The following AHCTF1 variants were observed in gnomAD, a reference collection of about 807,000 sequenced individuals.
AHCTF1 encodes the protein AT-hook containing transcription factor 1, also known as protein ELYS.
Under a neutral mutation model 248.4 loss-of-function variants are expected in AHCTF1, and 24 were observed. The observed-to-expected ratio is 0.10, with a 90% CI of 0.07 to 0.14. The LOEUF (loss-of-function observed/expected upper bound fraction) is 0.14. Among genes scored for constraint, AHCTF1 ranks in the 10% least tolerant of loss-of-function variants. The pLI is 1.00. For missense variants in AHCTF1, 2,206 were observed against 2,636.2 expected (o/e 0.84, Z 3.57); for synonymous variants, 786 against 929.8 (o/e 0.85, Z 2.81).
chr1:246,845,380 TAG>T (rs1660183073), intron 33 of AHCTF1, among the ~76,000 whole-genome samples: 1 of 151,634 alleles, frequency 6.6e-6, no homozygotes, highest in Admixed American at 6.6e-5. Context: ...AAAAGAAAAA[TAG>T]AGTTGATATC....
intron 14 of AHCTF1, among the ~76,000 whole-genome samples, chr1:246,893,158 T>G (rs1664337271): frequency 6.6e-6 from 1 of 152,190 alleles, no homozygotes; most frequent in Non-Finnish European, 1.5e-5. Flanking sequence ...ACATGAGCTC[T>G]GACAAACATT....
chr1:246,905,717 A>G (rs1665341133), intron 5 of AHCTF1, 60 bp from the exon 6 acceptor site: 1 of 1,362,798 alleles, frequency 7.3e-7, no homozygotes, highest in Admixed American at 1.8e-5. Flanking sequence ...AAAAAGGTAC[A>G]TCATGTAAGA....
intron 5 of AHCTF1, among the ~76,000 whole-genome samples, chr1:246,906,093 C>T (rs886602088): frequency 3.9e-5 from 6 of 152,176 alleles, no homozygotes; most frequent in Admixed American, 2.0e-4. Context: ...GATACTGCCA[C>T]GAGACTTTTC....
At position 246,892,026 on chromosome 1, in the gene AHCTF1, T is replaced by C. The variant is rs1414366170; in HGVS notation, c.1805-107A>G. On this transcript the variant is annotated intron_variant, in intron 14 of 35. Coordinates refer to ENST00000648844, the MANE Select transcript of AHCTF1 (RefSeq NM_001323342.2). ...CCTATCACTCAAAAGAATTATTCTA[T>C]TCATTATGAGATTTATAAAGACAAG... 10 of 1,213,156 alleles carry C rather than the reference T, an allele frequency of 8.2e-6. No individual in the cohort carries two copies. In the East Asian group the frequency reaches 8.5e-5, roughly 10 times the overall value. The allele number at this position is 1,213,156 out of a possible 1,614,324, so 75.1% of individuals were successfully genotyped here.
At chr1:246,906,870 T>C (rs962050377) in intron 5 of AHCTF1, among the ~76,000 whole-genome samples, 7 of 152,188 alleles carry the variant, frequency 4.6e-5, no homozygotes, top group Non-Finnish European at 7.3e-5. Flanking sequence ...TCCTTTTTTT[T>C]CCCTCTCAAC....
At chr1:246,860,852 T>C in intron 29 of AHCTF1, 47 bp downstream of exon 29, 3 of 1,572,656 alleles carry the variant, frequency 1.9e-6, no homozygotes, top group Non-Finnish European at 2.6e-6. Context: ...TAAACTTTAT[T>C]GAGGGACATT....
At chr1:246,912,069 C>T (rs1665843208) in intron 4 of AHCTF1, among the ~76,000 whole-genome samples, 1 of 151,948 alleles carries the variant, frequency 6.6e-6, no homozygotes, top group Admixed American at 6.6e-5. Context: ...TATACACTGA[C>T]AATTTTTATT....
At chr1:246,898,408 A>G in intron 11 of AHCTF1, 72 bp from the exon 12 acceptor site, 2 of 1,450,210 alleles carry the variant, frequency 1.4e-6, no homozygotes, top group South Asian at 2.6e-5. Flanking sequence ...TTAATTAATT[A>G]CACTTAAAAT....
rs190391748 is a variant in AHCTF1 at position 246,929,922 on chromosome 1, T to G, written c.-8+1656A>C. On this transcript the variant is annotated intron_variant, in intron 1 of 35. Transcript: ENST00000648844. ...CAAAAATTAGCCGGGTGTGGTGGCGTGCGCCTGTAATCCCAGCTACTCAGG... is the reference window on the plus strand; with the variant it reads ...CAAAAATTAGCCGGGTGTGGTGGCGGGCGCCTGTAATCCCAGCTACTCAGG... Among the ~76,000 whole-genome samples the G allele has an allele frequency of 8.2e-3, 1,251 of 151,846 alleles. 10 individuals carry two copies. The highest frequency in any genetic ancestry group is 0.031 in the South Asian group (147 of 4,806).
intron 24 of AHCTF1, among the ~76,000 whole-genome samples, chr1:246,868,208 A>C (rs1215668291): frequency 1.3e-5 from 2 of 150,664 alleles, no homozygotes; most frequent in Non-Finnish European, 2.9e-5. Context: ...GGCTCACTGC[A>C]ACCTCTGCCT....
intron 29 of AHCTF1, among the ~76,000 whole-genome samples, chr1:246,860,264 T>G (rs1038409554): frequency 2.6e-5 from 4 of 152,076 alleles, no homozygotes; most frequent in African/African-American, 9.7e-5. Context: ...TGAGACTCTG[T>G]CTCAAAAATT....
chr1:246,864,996 C>T (rs1333316286), intron 26 of AHCTF1, among the ~76,000 whole-genome samples: 4 of 152,040 alleles, frequency 2.6e-5, no homozygotes, highest in South Asian at 2.1e-4. Context: ...CAAGGTTTTC[C>T]GTAATGTCCT....
Position 246,898,409 on chromosome 1 carries a change from CACTTAAAATTTAAGTAAAATTTA to C in AHCTF1, c.1495-96_1495-74del, listed in dbSNP as rs1664754599. ...AATCAAATTTAAGATTAATTAATTA[CACTTAAAATTTAAGTAAAATTTA>C]AAGATAGCAAGTGGAAATTATGAAA... On this transcript the variant is annotated intron_variant, in intron 11 of 35. Transcript: ENST00000648844. 7 of 1,432,796 alleles carry C rather than the reference CACTTAAAATTTAAGTAAAATTTA, an allele frequency of 4.9e-6. No homozygotes were observed. In the Admixed American group the frequency reaches 1.3e-4, roughly 27 times the overall value. 88.8% of individuals were successfully genotyped at this position (1,432,796 alleles called of 1,614,324 possible).
At chr1:246,930,283 C>T (rs1480914837) in intron 1 of AHCTF1, among the ~76,000 whole-genome samples, 1 of 151,290 alleles carries the variant, frequency 6.6e-6, no homozygotes, top group East Asian at 2.0e-4. Context: ...CAAGTAGGCG[C>T]GCGACTAGAG....
In AHCTF1 at chr1:246,867,664, T is replaced by C; in HGVS notation, c.3236A>G (p.Asn1079Ser). Reference sequence around the variant, plus strand: ...TGAAACGTGTAAGAAAACATACCTATTGAAAGGTGTGGTGCTATTTATAGG... The same window carrying C: ...TGAAACGTGTAAGAAAACATACCTACTGAAAGGTGTGGTGCTATTTATAGG... ...KEPINSTTPF[N>S]SSKIEEPSPI... Residue 1079 changes from asparagine (N) to serine (S), a missense_variant, in exon 25 of 36, where the codon AAT (asparagine) becomes AGT (serine). By Grantham distance (46) the Asn-to-Ser change is conservative. This residue lies in a region of AHCTF1 where 955 missense variants were observed against 1,055.6 expected (regional missense o/e 0.90). Coordinates refer to ENST00000648844, the MANE Select transcript of AHCTF1 (RefSeq NM_001323342.2). The C allele has an allele frequency of 6.2e-7, 1 of 1,611,526 alleles. No homozygotes were observed. Among genetic ancestry groups the C allele is most frequent in the Non-Finnish European group, 8.5e-7 (1 of 1,179,704 alleles).
intron 27 of AHCTF1, 73 bp from the exon 28 acceptor site, chr1:246,862,226 A>T: frequency 8.6e-7 from 1 of 1,164,194 alleles, no homozygotes; most frequent in Non-Finnish European, 1.2e-6. Flanking sequence ...CACGCCTGTA[A>T]TCCCTGCACT....
intron 35 of AHCTF1, among the ~76,000 whole-genome samples, chr1:246,841,403 C>T (rs12127941): frequency 0.18 from 26,878 of 152,098 alleles, 4,044 homozygotes; most frequent in African/African-American, 0.41. Context: ...AGCAAAGATG[C>T]ACAGAATTTC....
chr1:246,920,142 CAA>C (rs68194249), intron 1 of AHCTF1, among the ~76,000 whole-genome samples: 11,674 of 39,368 alleles, frequency 0.3, 257 homozygotes, highest in South Asian at 0.35. Flanking sequence ...CTGTCCCCCG[CAA>C]AAAAAAAAAA....
intron 29 of AHCTF1, among the ~76,000 whole-genome samples, chr1:246,859,970 G>T (rs1322998286): frequency 6.6e-6 from 1 of 152,160 alleles, no homozygotes; most frequent in Non-Finnish European, 1.5e-5. Context: ...GTTAAAAATT[G>T]CAATAATTTG....
Sources: gnomAD v4.1 joint callset for allele counts (sites outside exome capture counted in the v4.1 genomes callset) on GRCh38, gnomAD v4.1.1 for gene constraint, gnomAD v4.1.1 regional missense constraint, MANE v1.5 for transcripts, NCBI Gene and HGNC (gene_info 2026-07-23, HGNC 2026-07-21) for gene names.